Variants in TNR observed in about 807,000 individuals in gnomAD.
TNR encodes tenascin R, also known as tenascin-R.
TNR carries 45 observed loss-of-function variants against 150.4 expected under a neutral mutation model. That is an observed-to-expected ratio of 0.30 (90% CI 0.24 to 0.38). TNR has a LOEUF of 0.38. TNR is among the 10% of genes least tolerant of loss of function. The probability of loss-of-function intolerance (pLI) is 1.00; values close to 1 mark genes in which losing one functional copy is unlikely to be tolerated. For synonymous variants in TNR, 687 were observed against 678.4 expected, an observed-to-expected ratio of 1.01 and a Z score of -0.20; for missense variants, 1,544 against 1,759.1, an observed-to-expected ratio of 0.88 and a Z score of 2.19.
chr1:175,639,826 A>G (rs1664598799), intron 1 of TNR, among the ~76,000 whole-genome samples: 1 of 152,136 alleles, frequency 6.6e-6, no homozygotes, highest in South Asian at 2.1e-4. Flanking sequence ...TCTCCTAGAT[A>G]TTCATATAGT....
rs189079735 is a variant in TNR at position 175,318,840 on chromosome 1, C to T, written c.*4517G>A. On this transcript the variant is annotated 3_prime_UTR_variant, in exon 23 of 23. Coordinates refer to ENST00000367674, the MANE Select transcript of TNR (RefSeq NM_003285.3). ...GGGTGGGAGGCAGACTCCCAGACTT[C>T]ACACATCTGCCCCATTCCTCTGAGG... The T allele has an allele frequency of 4.1e-4, 62 of 152,352 alleles. No individual in the cohort carries two copies. Among genetic ancestry groups the T allele is most frequent in the African/African-American group, 1.4e-3 (57 of 41,562 alleles). The allele number at this position is 152,352 out of a possible 1,614,324, so 9.4% of individuals were successfully genotyped here. A position where few individuals can be genotyped will look rare whatever the true frequency, so the allele number is the denominator to read the frequency against.
intron 2 of TNR, among the ~76,000 whole-genome samples, chr1:175,516,443 A>G (rs1332287416): frequency 6.6e-6 from 1 of 152,158 alleles, no homozygotes; most frequent in Non-Finnish European, 1.5e-5. Context: ...AAAATGAGGA[A>G]TGGTTTCTAA....
chr1:175,355,248 G>A (rs1274663481), intron 17 of TNR, among the ~76,000 whole-genome samples: 1 of 152,204 alleles, frequency 6.6e-6, no homozygotes, highest in Non-Finnish European at 1.5e-5. Context: ...CAAGCCTTGA[G>A]GAGGTTTAGT....
At chr1:175,343,697 TC>T (rs1418718316) in intron 18 of TNR, among the ~76,000 whole-genome samples, 1 of 152,214 alleles carries the variant, frequency 6.6e-6, no homozygotes. Context: ...AGGTGCTCAA[TC>T]AGTATTTGTT....
intron 1 of TNR, among the ~76,000 whole-genome samples, chr1:175,532,973 T>C (rs1026174783): frequency 6.6e-6 from 1 of 152,176 alleles, no homozygotes; most frequent in African/African-American, 2.4e-5. Context: ...GTTAGCCCCA[T>C]TTAATGAGGG....
chr1:175,546,424 G>A (rs539913313), intron 1 of TNR, among the ~76,000 whole-genome samples: 167 of 152,208 alleles, frequency 1.1e-3, no homozygotes, highest in African/African-American at 3.9e-3. Flanking sequence ...CAGAATTGCC[G>A]GCCATCTCAC....
intron 1 of TNR, among the ~76,000 whole-genome samples, chr1:175,635,841 G>A (rs1034452804): frequency 6.6e-6 from 1 of 152,090 alleles, no homozygotes; most frequent in African/African-American, 2.4e-5. Context: ...GGATTCCTGA[G>A]TGTTTTAGAA....
chr1:175,364,334 T>G (rs1166484325), intron 12 of TNR, among the ~76,000 whole-genome samples: 1 of 152,032 alleles, frequency 6.6e-6, no homozygotes, highest in Admixed American at 6.6e-5. Flanking sequence ...GGGCTTTTTT[T>G]TTTTTTTACT....
intron 1 of TNR, among the ~76,000 whole-genome samples, chr1:175,626,926 A>G (rs761114365): frequency 1.3e-5 from 2 of 152,210 alleles, no homozygotes; most frequent in Non-Finnish European, 2.9e-5. Context: ...ACAGAAGTTA[A>G]GATTGCAGTG....
chr1:175,437,507 A>G (rs1219807326), intron 2 of TNR, among the ~76,000 whole-genome samples: 1 of 152,246 alleles, frequency 6.6e-6, no homozygotes, highest in East Asian at 1.9e-4. Flanking sequence ...AGCTAGCAGA[A>G]GGCAAGAAAT....
chr1:175,718,592 A>G (rs1667219506), intron 1 of TNR, among the ~76,000 whole-genome samples: 1 of 152,230 alleles, frequency 6.6e-6, no homozygotes, highest in African/African-American at 2.4e-5. Context: ...GCAAAGCCAC[A>G]GAGACTTTTA....
At chr1:175,414,230 T>C (rs2901906) in intron 2 of TNR, among the ~76,000 whole-genome samples, 8,115 of 151,824 alleles carry the variant, frequency 0.053, 305 homozygotes, top group Middle Eastern at 0.17. Flanking sequence ...TATTTTCTTT[T>C]AGCAGCCCAA....
At chr1:175,593,705 T>TG (rs1662896670) in intron 1 of TNR, among the ~76,000 whole-genome samples, 1 of 152,132 alleles carries the variant, frequency 6.6e-6, no homozygotes, top group Non-Finnish European at 1.5e-5. Context: ...CCCAGAGTCT[T>TG]CACCAGACTC....
chr1:175,489,921 T>TCCTAA (rs565423676), intron 2 of TNR, among the ~76,000 whole-genome samples: 165 of 152,250 alleles, frequency 1.1e-3, no homozygotes, highest in African/African-American at 3.8e-3. Context: ...GCCAAGACAA[T>TCCTAA]CCTAAGCAAA....
chr1:175,612,547 C>G (rs1286799729), intron 1 of TNR, among the ~76,000 whole-genome samples: 1 of 152,180 alleles, frequency 6.6e-6, no homozygotes, highest in Admixed American at 6.5e-5. Flanking sequence ...GTGCTAAATA[C>G]TAGGATTTTT....
chr1:175,736,448 G>C (rs1667775009), intron 1 of TNR, among the ~76,000 whole-genome samples: 1 of 152,084 alleles, frequency 6.6e-6, no homozygotes, highest in African/African-American at 2.4e-5. Context: ...GTGAACCCGG[G>C]AGGCAGAGTT....
intron 3 of TNR, among the ~76,000 whole-genome samples, chr1:175,405,396 G>C (rs1008329036): frequency 4.6e-5 from 7 of 152,200 alleles, no homozygotes; most frequent in Admixed American, 1.3e-4. Context: ...GGAAGCAGTA[G>C]AGCCAGGATC....
chr1:175,729,764 AGG>A (rs1045735982), intron 1 of TNR, among the ~76,000 whole-genome samples: 5 of 152,194 alleles, frequency 3.3e-5, no homozygotes, highest in African/African-American at 1.2e-4. Context: ...AACTGGCCTT[AGG>A]TTGTTAAAAC....
intron 1 of TNR, among the ~76,000 whole-genome samples, chr1:175,598,947 C>G (rs1157064661): frequency 2.0e-5 from 3 of 152,198 alleles, no homozygotes; most frequent in Non-Finnish European, 4.4e-5. Context: ...GTGCAGGAAC[C>G]CCTCCCTCTT....
Sources: allele counts gnomAD v4.1 joint callset (sites outside exome capture counted in the v4.1 genomes callset), GRCh38; gene constraint gnomAD v4.1.1; transcripts MANE v1.5; gene names NCBI Gene and HGNC (gene_info 2026-07-23, HGNC 2026-07-21).